USP24: variants seen among roughly 807,000 people sequenced by gnomAD.
The protein encoded by USP24 is ubiquitin specific peptidase 24.
USP24 carries 97 observed loss-of-function variants against 361.6 expected under a neutral mutation model. The observed-to-expected ratio is 0.27, with a 90% CI of 0.23 to 0.32. The LOEUF (loss-of-function observed/expected upper bound fraction) is 0.32. Ranked by LOEUF, USP24 falls within the 10% of genes least tolerant of loss-of-function variation. The pLI, the probability that USP24 is intolerant of heterozygous loss-of-function variation, is 1.00. For missense variants in USP24, 2,353 were observed against 3,165.6 expected (o/e 0.74, Z 6.16); for synonymous variants, 1,098 against 1,124.6 (o/e 0.98, Z 0.47).
rs951270736 is a variant in USP24, at chr1:55,093,619, G to A, written c.6354+318C>T. 14 of 218,856 alleles carry A rather than the reference G, an allele frequency of 6.4e-5. No homozygotes were observed. In the South Asian group the frequency reaches 1.6e-3, roughly 25 times the overall value. 13.6% of individuals were successfully genotyped at this position (218,856 alleles called of 1,614,324 possible). A position where few individuals can be genotyped will look rare whatever the true frequency, so the allele number is the denominator to read the frequency against. On this transcript the variant is annotated intron_variant, in intron 52 of 67. Coordinates refer to ENST00000294383, the MANE Select transcript of USP24 (RefSeq NM_015306.3). ...TTGTTTTTCTCTCCAGACAAAATAA[G>A]TTTATTTCAGCAACACGATTTCTTT...
intron 39 of USP24, among the ~76,000 whole-genome samples, chr1:55,107,841 C>CAAAA (rs777328294): frequency 0.5 from 18,893 of 37,854 alleles, 6,415 homozygotes; most frequent in South Asian, 0.63. Flanking sequence ...GACTCTGTCT[C>CAAAA]AAAAAAAAAA....
At chr1:55,134,610 G>A (rs761913956) in intron 28 of USP24, among the ~76,000 whole-genome samples, 197 bp from the exon 29 acceptor site, 58 of 152,164 alleles carry the variant, frequency 3.8e-4, no homozygotes, top group Admixed American at 5.9e-4. Flanking sequence ...ACCTCCTAGC[G>A]TGTATTACTT....
rs1404795677 is a variant in USP24, at chr1:55,137,398, AC to A, written c.3201+116del. ...ATTTTTTTAAGATGGAAGAAATAAC[AC>A]AACAAGCTTGAACACTAATGAATCC... On this transcript the variant is annotated intron_variant, in intron 28 of 67. Transcript: ENST00000294383. 28 of 1,250,546 alleles carry A rather than the reference AC, an allele frequency of 2.2e-5. No homozygotes were observed. The South Asian group carries it at 2.4e-4, about 11-fold the overall frequency. 77.5% of individuals were successfully genotyped at this position (1,250,546 alleles called of 1,614,324 possible).
chr1:55,093,003 G>A, intron 52 of USP24, 87 bp from the exon 53 acceptor site: 4 of 808,744 alleles, frequency 4.9e-6, no homozygotes, highest in African/African-American at 3.6e-5. Flanking sequence ...TAAAAATATA[G>A]GTAAAAAGCA....
intron 1 of USP24, among the ~76,000 whole-genome samples, chr1:55,199,151 T>C (rs1313396951): frequency 6.6e-6 from 1 of 152,096 alleles, no homozygotes; most frequent in African/African-American, 2.4e-5. Context: ...TAGTCAGGCA[T>C]GGTGGCGGGC....
At chr1:55,110,146 C>T (rs759212162) in intron 39 of USP24, 39 bp downstream of exon 39, 3 of 1,483,614 alleles carry the variant, frequency 2.0e-6, no homozygotes, top group Non-Finnish European at 2.7e-6. Flanking sequence ...TTCTACTCTT[C>T]CCCAGCCCCT....
chr1:55,141,770 T>C (rs1462024720), intron 23 of USP24, 39 bp from the exon 24 acceptor site: 7 of 1,538,408 alleles, frequency 4.6e-6, no homozygotes, highest in South Asian at 1.2e-5. Flanking sequence ...TCAGGGTTTC[T>C]CAACCTGGAC....
At chr1:55,205,793 A>G (rs1644688247) in intron 1 of USP24, among the ~76,000 whole-genome samples, 2 of 152,170 alleles carry the variant, frequency 1.3e-5, no homozygotes, top group South Asian at 4.1e-4. Flanking sequence ...TAAAACACGG[A>G]AAAATAGGGA....
intron 38 of USP24, among the ~76,000 whole-genome samples, chr1:55,116,043 A>G (rs921914020): frequency 1.3e-5 from 2 of 152,324 alleles, no homozygotes; most frequent in African/African-American, 4.8e-5. Flanking sequence ...GGGGAGGGAT[A>G]GCATTAAGAG....
At chr1:55,198,544 G>C (rs1644478864) in intron 1 of USP24, among the ~76,000 whole-genome samples, 1 of 152,204 alleles carries the variant, frequency 6.6e-6, no homozygotes, top group Non-Finnish European at 1.5e-5. Context: ...TCTGTGCACT[G>C]TAAGATGTTT....
At chr1:55,119,211 C>T (rs1646207163) in intron 38 of USP24, among the ~76,000 whole-genome samples, 1 of 152,200 alleles carries the variant, frequency 6.6e-6, no homozygotes, top group Non-Finnish European at 1.5e-5. Flanking sequence ...ATGGTTTATA[C>T]ATACAATGAT....
chr1:55,067,287 A>G lies in USP24; in HGVS notation c.*1758T>C, dbSNP rs1309794474. ...GGCGGAGAGAAGGTGAGAATAGGGT[A>G]GGGGAAACAGTAGGACAGGAAGTAT... On this transcript the variant is annotated 3_prime_UTR_variant, in exon 68 of 68. Coordinates refer to ENST00000294383, the MANE Select transcript of USP24 (RefSeq NM_015306.3). 1 of 152,196 alleles carries G rather than the reference A, an allele frequency of 6.6e-6. No individual in the cohort carries two copies. The highest frequency in any genetic ancestry group is 1.5e-5 in the Non-Finnish European group (1 of 68,040). 9.4% of individuals were successfully genotyped at this position (152,196 alleles called of 1,614,324 possible). A position where few individuals can be genotyped will look rare whatever the true frequency, so the allele number is the denominator to read the frequency against.
intron 6 of USP24, among the ~76,000 whole-genome samples, chr1:55,166,223 T>G (rs915205484): frequency 5.9e-5 from 9 of 151,688 alleles, no homozygotes; most frequent in African/African-American, 2.2e-4. Flanking sequence ...CCTATTGTAC[T>G]ACACATATTA....
Position 55,097,194 on chromosome 1 carries a change from A to G in USP24, c.5716-22T>C, listed in dbSNP as rs912997274. ...GAAACTATGTAGAAGCAAAAAGACC[A>G]TATTAACGTTGATTACTAACATATA... is the stretch of plus-strand genomic sequence containing the variant. On this transcript the variant is annotated intron_variant, in intron 48 of 67. Coordinates refer to ENST00000294383, the MANE Select transcript of USP24 (RefSeq NM_015306.3). 2.5e-6 allele frequency: 4 copies of G among 1,612,036 alleles called. No homozygotes were observed. The South Asian group carries it at 3.3e-5, about 13-fold the overall frequency.
rs191654062 is a variant in USP24, at chr1:55,123,870, T to A, written c.4121-268A>T. ...TGAAAATAGCGCAATTTTGTGGGCA[T>A]GAGGGAGCCCTCCAGAGGATATCGG... On this transcript the variant is annotated intron_variant, in intron 35 of 67. Coordinates refer to ENST00000294383, the MANE Select transcript of USP24 (RefSeq NM_015306.3). Among the ~76,000 whole-genome samples the A allele has an allele frequency of 2.0e-5, 3 of 152,330 alleles. No homozygotes were observed. In the East Asian group the frequency reaches 5.8e-4, roughly 29 times the overall value.
At position 55,147,735 on chromosome 1, in the gene USP24, C is replaced by T. The variant is rs375365654; in HGVS notation, c.2032G>A (p.Ala678Thr). ...IVKLVTGSLI[A>T]CHRLAAAVAG... Reference sequence around the variant, plus strand: ...ACAGCAGCTGCAAGCCGATGACAAGCGATCAAACTTCCCGTTACCAATTTC... The same window carrying T: ...ACAGCAGCTGCAAGCCGATGACAAGTGATCAAACTTCCCGTTACCAATTTC... Residue 678 changes from alanine (A) to threonine (T), a missense_variant, in exon 18 of 68, where the codon GCT (alanine) becomes ACT (threonine). Coordinates refer to ENST00000294383, the MANE Select transcript of USP24 (RefSeq NM_015306.3). The T allele has an allele frequency of 8.2e-5, 132 of 1,612,678 alleles. 2 individuals carry two copies. In the South Asian group the frequency reaches 1.3e-3, roughly 16 times the overall value.
chr1:55,095,177 A>G, intron 51 of USP24, 78 bp downstream of exon 51: 1 of 1,412,090 alleles, frequency 7.1e-7, no homozygotes, highest in Non-Finnish European at 9.3e-7. Flanking sequence ...TATCTTTAAA[A>G]TCTCAAATAG....
chr1:55,154,601 G>A, intron 13 of USP24, 70 bp downstream of exon 13: 1 of 1,458,056 alleles, frequency 6.9e-7, no homozygotes, highest in Non-Finnish European at 9.5e-7. Flanking sequence ...GGGGAGGAGG[G>A]GTATTCAGGA....
chr1:55,100,745 A>G (rs1317127892), intron 44 of USP24, 94 bp downstream of exon 44: 2 of 1,162,604 alleles, frequency 1.7e-6, no homozygotes, highest in Non-Finnish European at 2.3e-6. Flanking sequence ...AGATTAGTCT[A>G]AAGTTAATAA....
Sources: gnomAD v4.1 joint callset for allele counts (sites outside exome capture counted in the v4.1 genomes callset) on GRCh38, gnomAD v4.1.1 for gene constraint, MANE v1.5 for transcripts, NCBI Gene and HGNC (gene_info 2026-07-23, HGNC 2026-07-21) for gene names.